Variants in ELOVL5 observed in about 807,000 individuals in gnomAD.
The protein encoded by ELOVL5 is very long chain fatty acid elongase 5.
Under a neutral mutation model 38.6 loss-of-function variants are expected in ELOVL5, and 8 were observed. The ratio of observed to expected loss-of-function variants is 0.21; its 90% CI spans 0.12 to 0.37. The LOEUF (loss-of-function observed/expected upper bound fraction) is 0.37, where lower values mean the gene tolerates loss of function less well. ELOVL5 is among the 10% of genes least tolerant of loss of function. ELOVL5 has a pLI of 1.00. For synonymous variants in ELOVL5, 127 were observed against 133.7 expected (o/e 0.95, Z 0.34); for missense variants, 280 against 367.8 (o/e 0.76, Z 1.95).
intron 1 of ELOVL5, among the ~76,000 whole-genome samples, chr6:53,298,833 C>T (rs1767125081): frequency 6.6e-6 from 1 of 150,810 alleles, no homozygotes; most frequent in Admixed American, 6.7e-5. Flanking sequence ...ATTCTGACAA[C>T]CCACAATGTC....
intron 1 of ELOVL5, among the ~76,000 whole-genome samples, chr6:53,312,354 G>A (rs900696624): frequency 1.8e-4 from 27 of 152,172 alleles, no homozygotes; most frequent in Admixed American, 1.4e-3. Context: ...ACCACGGAAC[G>A]TTACTCAGCA....
At chr6:53,296,054 T>C (rs1241391138) in intron 1 of ELOVL5, among the ~76,000 whole-genome samples, 3 of 152,118 alleles carry the variant, frequency 2.0e-5, no homozygotes, top group Non-Finnish European at 4.4e-5. Flanking sequence ...AGAGATCCTG[T>C]CTGGGCAACA....
intron 1 of ELOVL5, among the ~76,000 whole-genome samples, chr6:53,334,583 T>C (rs1422250699): frequency 2.0e-5 from 3 of 152,226 alleles, no homozygotes; most frequent in African/African-American, 7.2e-5. Flanking sequence ...TGAGTCCCTT[T>C]CACTGGAGAA....
intron 1 of ELOVL5, among the ~76,000 whole-genome samples, chr6:53,297,113 C>T (rs1053406865): frequency 4.6e-5 from 7 of 152,120 alleles, no homozygotes; most frequent in African/African-American, 1.7e-4. Flanking sequence ...GCTGCTGACA[C>T]CAATTCATGG....
chr6:53,319,457 C>G (rs1768209502), intron 1 of ELOVL5, among the ~76,000 whole-genome samples: 1 of 152,148 alleles, frequency 6.6e-6, no homozygotes, highest in Admixed American at 6.5e-5. Context: ...ATTAGAAACT[C>G]TCAGTCATTC....
intron 3 of ELOVL5, among the ~76,000 whole-genome samples, chr6:53,288,244 T>C (rs1219927966): frequency 6.6e-6 from 1 of 152,112 alleles, no homozygotes; most frequent in Admixed American, 6.6e-5. Context: ...ACATGGATAG[T>C]GCAAAAAATC....
intron 1 of ELOVL5, among the ~76,000 whole-genome samples, chr6:53,306,658 C>T (rs999945508): frequency 6.6e-6 from 1 of 152,152 alleles, no homozygotes; most frequent in Admixed American, 6.5e-5. Context: ...AGAGTCAAGA[C>T]AAGGACCATT....
At chr6:53,286,721 A>C (rs931456170) in intron 3 of ELOVL5, among the ~76,000 whole-genome samples, 5 of 152,258 alleles carry the variant, frequency 3.3e-5, no homozygotes, top group Non-Finnish European at 7.3e-5. Flanking sequence ...TTAATGAATT[A>C]CATCTATACG....
chr6:53,306,885 G>A (rs1023748313), intron 1 of ELOVL5, among the ~76,000 whole-genome samples: 5 of 152,198 alleles, frequency 3.3e-5, no homozygotes, highest in Admixed American at 6.5e-5. Context: ...GTGGGTGAAG[G>A]CCAGATTGCT....
At chr6:53,293,537 G>T (rs2294856) in intron 2 of ELOVL5, among the ~76,000 whole-genome samples, 1 of 151,714 alleles carries the variant, frequency 6.6e-6, no homozygotes, top group Non-Finnish European at 1.5e-5. Flanking sequence ...AGGCTGGTCT[G>T]GAACTCCTGA....
intron 1 of ELOVL5, among the ~76,000 whole-genome samples, chr6:53,317,334 C>T (rs1356292289): frequency 1.3e-5 from 2 of 152,180 alleles, no homozygotes; most frequent in South Asian, 4.1e-4. Flanking sequence ...GCTGTAAAGA[C>T]ACATGCACAC....
intron 1 of ELOVL5, among the ~76,000 whole-genome samples, chr6:53,327,448 G>A (rs1037679042): frequency 1.3e-5 from 2 of 152,140 alleles, no homozygotes; most frequent in Non-Finnish European, 2.9e-5. Context: ...GTCACATATT[G>A]TATGATTCCA....
intron 1 of ELOVL5, among the ~76,000 whole-genome samples, chr6:53,296,895 G>C (rs910562482): frequency 1.3e-5 from 2 of 152,116 alleles, no homozygotes; most frequent in African/African-American, 4.8e-5. Context: ...CTCTTCCTTG[G>C]CTTGCCACAC....
Position 53,294,131 on chromosome 6 carries a change from C to T in ELOVL5, c.58+1511G>A, listed in dbSNP as rs539090572. On this transcript the variant is annotated intron_variant, in intron 2 of 7. Transcript: ENST00000304434. ...ATTTACACTTTGCTTTATTCATTTT[C>T]CCACAAATACTCATCTTTCCAAATT... 2.1e-3 allele frequency: 2,985 copies of T among 1,401,510 alleles called. 3 individuals carry two copies. Among genetic ancestry groups the T allele is most frequent in the Non-Finnish European group, 2.6e-3 (2,802 of 1,071,516 alleles). 86.8% of individuals were successfully genotyped at this position (1,401,510 alleles called of 1,614,324 possible). A position where few individuals can be genotyped will look rare whatever the true frequency, so the allele number is the denominator to read the frequency against.
intron 6 of ELOVL5, 66 bp downstream of exon 6, chr6:53,273,154 T>C (rs1358406598): frequency 1.9e-6 from 3 of 1,572,396 alleles, no homozygotes; most frequent in Non-Finnish European, 2.6e-6. Context: ...TACATAACAC[T>C]AAAGCCAGGA....
At chr6:53,319,809 T>G (rs554119908) in intron 1 of ELOVL5, among the ~76,000 whole-genome samples, 2 of 152,336 alleles carry the variant, frequency 1.3e-5, no homozygotes, top group Admixed American at 1.3e-4. Context: ...TATATTTCAA[T>G]ATATTACTCA....
chr6:53,298,381 T>A (rs1581947037), intron 1 of ELOVL5, among the ~76,000 whole-genome samples: 1 of 134,468 alleles, frequency 7.4e-6, no homozygotes, highest in African/African-American at 2.5e-5. Flanking sequence ...AATATTAACT[T>A]ACTTACTTAT....
intron 1 of ELOVL5, among the ~76,000 whole-genome samples, chr6:53,310,994 T>C (rs1004062918): frequency 1.3e-5 from 2 of 152,188 alleles, no homozygotes; most frequent in African/African-American, 2.4e-5. Flanking sequence ...AAATAGCAAC[T>C]GAGTCCACAA....
At chr6:53,333,720 T>A (rs568329810) in intron 1 of ELOVL5, among the ~76,000 whole-genome samples, 1 of 152,202 alleles carries the variant, frequency 6.6e-6, no homozygotes, top group African/African-American at 2.4e-5. Context: ...TTCTGGAGAA[T>A]AAAAGTAATG....
Sources: allele counts gnomAD v4.1 joint callset (sites outside exome capture counted in the v4.1 genomes callset), GRCh38; gene constraint gnomAD v4.1.1; transcripts MANE v1.5; gene names NCBI Gene and HGNC (gene_info 2026-07-23, HGNC 2026-07-21).